Variants in GARNL3 observed in about 807,000 individuals in gnomAD.
GARNL3 encodes the protein GTPase-activating Rap/Ran-GAP domain-like protein 3.
In GARNL3, 63 loss-of-function variants were observed where a neutral mutation model predicts 125.0. That is an observed-to-expected ratio of 0.50 (90% confidence interval 0.41 to 0.62). The LOEUF (loss-of-function observed/expected upper bound fraction) is 0.62, where lower values mean the gene tolerates loss of function less well. Among genes scored for constraint, GARNL3 ranks in the 20% least tolerant of loss-of-function variants. The probability of loss-of-function intolerance (pLI) is 0.00; values close to 1 mark genes in which losing one functional copy is unlikely to be tolerated. For missense variants in GARNL3, 994 were observed against 1,244.0 expected, an observed-to-expected ratio of 0.80 and a Z score of 3.02; for synonymous variants, 439 against 457.5, an observed-to-expected ratio of 0.96 and a Z score of 0.52.
chr9:127,307,556 T>A (rs2064991316), intron 2 of GARNL3, among the ~76,000 whole-genome samples: 1 of 152,224 alleles, frequency 6.6e-6, no homozygotes, highest in Non-Finnish European at 1.5e-5. Context: ...AGCACAATAA[T>A]GTGCAATTAT....
At chr9:127,228,433 G>A (rs1588649369) in intron 1 of GARNL3, among the ~76,000 whole-genome samples, 1 of 152,326 alleles carries the variant, frequency 6.6e-6, no homozygotes, top group East Asian at 1.9e-4. Context: ...GCATATGAGT[G>A]TGCCTGTTTT....
chr9:127,375,088 T>G lies in GARNL3; in HGVS notation c.2162-8350T>G, dbSNP rs186759364. On this transcript the variant is annotated intron_variant, in intron 22 of 27. Transcript: ENST00000373387. ...GAAATGTAAATTGGTATAATCACTT[T>G]GGAAAACAGTTCTTCAAAAAGTTAA... Among the ~76,000 whole-genome samples the G allele has an allele frequency of 1.2e-4, 19 of 152,314 alleles. No individual in the cohort carries two copies. The East Asian group carries it at 3.5e-3, about 28-fold the overall frequency.
At chr9:127,386,529 GC>G (rs1832550939) in intron 24 of GARNL3, among the ~76,000 whole-genome samples, 1 of 152,200 alleles carries the variant, frequency 6.6e-6, no homozygotes. Context: ...TCTCCCCCAA[GC>G]CCCACACAGA....
At chr9:127,313,720 AT>A (rs2065157469) in intron 4 of GARNL3, among the ~76,000 whole-genome samples, 161 bp downstream of exon 4, 1 of 151,492 alleles carries the variant, frequency 6.6e-6, no homozygotes, top group Non-Finnish European at 1.5e-5. Context: ...AAAGCACCTT[AT>A]TTTCTGCACC....
intron 2 of GARNL3, among the ~76,000 whole-genome samples, chr9:127,298,297 G>C (rs1051892492): frequency 3.3e-5 from 5 of 152,104 alleles, no homozygotes; most frequent in African/African-American, 1.2e-4. Context: ...TCCTGCCTCA[G>C]CCTCCCAAAT....
intron 6 of GARNL3, among the ~76,000 whole-genome samples, chr9:127,324,030 G>A (rs745583233): frequency 6.6e-6 from 1 of 152,114 alleles, no homozygotes; most frequent in African/African-American, 2.4e-5. Context: ...CAGGAGGATT[G>A]CTTGAGCCCA....
chr9:127,234,985 G>GT (rs964417540), intron 1 of GARNL3, among the ~76,000 whole-genome samples: 48 of 149,230 alleles, frequency 3.2e-4, no homozygotes, highest in Admixed American at 2.3e-3. Flanking sequence ...ACTTATAAAA[G>GT]TTTTTTTTTT....
At position 127,365,172 on chromosome 9, in the gene GARNL3, G is replaced by A. The variant is rs78768836; in HGVS notation, c.2095-128G>A. 2,861 of 722,868 alleles carry A rather than the reference G, an allele frequency of 4.0e-3. 60 individuals carry two copies. The African/African-American group carries it at 0.045, about 11-fold the overall frequency. The allele number at this position is 722,868 out of a possible 1,614,324, so 44.8% of individuals were successfully genotyped here. A position where few individuals can be genotyped will look rare whatever the true frequency, so the allele number is the denominator to read the frequency against. ...AATGTGCATTGTGGGTGCTGGTGGG[G>A]CAGACATGACCCTATGGCACCTGCA... On this transcript the variant is annotated intron_variant, in intron 21 of 27. Coordinates refer to ENST00000373387, the MANE Select transcript of GARNL3 (RefSeq NM_032293.5).
At chr9:127,318,494 A>G (rs2065301602) in intron 5 of GARNL3, among the ~76,000 whole-genome samples, 1 of 152,210 alleles carries the variant, frequency 6.6e-6, no homozygotes, top group African/African-American at 2.4e-5. Flanking sequence ...GCATGCACTC[A>G]GATACTTTAG....
intron 21 of GARNL3, among the ~76,000 whole-genome samples, chr9:127,358,969 G>C (rs1015160063): frequency 6.6e-6 from 1 of 152,018 alleles, no homozygotes; most frequent in African/African-American, 2.4e-5. Flanking sequence ...CAGAATCTGG[G>C]GGGGTGTGGT....
At chr9:127,368,870 G>T (rs1456183597) in intron 22 of GARNL3, among the ~76,000 whole-genome samples, 1 of 152,008 alleles carries the variant, frequency 6.6e-6, no homozygotes, top group African/African-American at 2.4e-5. Flanking sequence ...AGAAGGTGGA[G>T]GTTGCAGTGA....
intron 26 of GARNL3, 101 bp downstream of exon 26, chr9:127,389,220 G>A: frequency 4.7e-6 from 4 of 854,758 alleles, no homozygotes; most frequent in Non-Finnish European, 7.4e-6. Flanking sequence ...TAAAAGGAAA[G>A]TTTCCTTTTA....
At chr9:127,246,967 A>T (rs949498361) in intron 2 of GARNL3, among the ~76,000 whole-genome samples, 1 of 129,278 alleles carries the variant, frequency 7.7e-6, no homozygotes, top group Admixed American at 9.3e-5. Flanking sequence ...CAATGTTAAT[A>T]GGCAGAGATT....
chr9:127,294,319 G>C (rs949431827), intron 2 of GARNL3, among the ~76,000 whole-genome samples: 1 of 151,620 alleles, frequency 6.6e-6, no homozygotes, highest in Admixed American at 6.6e-5. Flanking sequence ...CCCTCCCCCC[G>C]GCCAAGACAG....
intron 22 of GARNL3, among the ~76,000 whole-genome samples, chr9:127,379,115 G>A (rs1242448144): frequency 6.6e-6 from 1 of 152,142 alleles, no homozygotes; most frequent in Non-Finnish European, 1.5e-5. Context: ...CAAACCTGAG[G>A]GAACAAAGGG....
chr9:127,319,514 G>C (rs2131506872), intron 5 of GARNL3, among the ~76,000 whole-genome samples: 1 of 151,976 alleles, frequency 6.6e-6, no homozygotes, highest in South Asian at 2.1e-4. Context: ...CCAAGATTAA[G>C]AAGTGAAAAA....
intron 22 of GARNL3, among the ~76,000 whole-genome samples, chr9:127,376,161 T>A (rs1000677231): frequency 1.3e-5 from 2 of 152,190 alleles, no homozygotes; most frequent in African/African-American, 4.8e-5. Context: ...GGTTTCACCA[T>A]GTCAGCCAGG....
At chr9:127,248,970 A>G (rs757424120) in intron 2 of GARNL3, among the ~76,000 whole-genome samples, 3 of 151,816 alleles carry the variant, frequency 2.0e-5, no homozygotes, top group Non-Finnish European at 4.4e-5. Flanking sequence ...TTCCAAAAAG[A>G]CAAGAAAGGG....
intron 6 of GARNL3, among the ~76,000 whole-genome samples, chr9:127,322,049 C>T (rs747065147): frequency 1.3e-5 from 2 of 152,148 alleles, no homozygotes; most frequent in Non-Finnish European, 2.9e-5. Context: ...CCAGCCTCAA[C>T]CCCAGACGGA....
Sources: allele counts gnomAD v4.1 joint callset (sites outside exome capture counted in the v4.1 genomes callset), GRCh38; gene constraint gnomAD v4.1.1; transcripts MANE v1.5; gene names NCBI Gene and HGNC (gene_info 2026-07-23, HGNC 2026-07-21).